ZNF385B: variants seen among roughly 807,000 people sequenced by gnomAD.
ZNF385B encodes the protein zinc finger protein 385B, also known as zinc finger protein 533.
ZNF385B carries 23 observed loss-of-function variants against 39.2 expected under a neutral mutation model. That is an observed-to-expected ratio of 0.59 (90% CI 0.42 to 0.83). ZNF385B has a LOEUF of 0.83. Among genes scored for constraint, ZNF385B ranks in the 40% least tolerant of loss-of-function variants. ZNF385B has a pLI of 0.00. For synonymous variants in ZNF385B, 205 were observed against 222.6 expected, an observed-to-expected ratio of 0.92 and a Z score of 0.70; for missense variants, 552 against 598.9, an observed-to-expected ratio of 0.92 and a Z score of 0.82.
rs181289483 is a variant in ZNF385B, at chr2:179,748,747, C to A, written c.298+20756G>T. ...TTGCTTGGAGTCTTTCTTATGACTA[C>A]ACTTCCCAAATAAATACTTTTCTTT... is the stretch of plus-strand genomic sequence containing the variant. On this transcript the variant is annotated intron_variant, in intron 3 of 9. Coordinates refer to ENST00000410066, the MANE Select transcript of ZNF385B (RefSeq NM_152520.6). 3.2e-3 allele frequency among the ~76,000 whole-genome samples: 482 copies of A among 152,220 alleles called. 5 individuals carry two copies. Among genetic ancestry groups the A allele is most frequent in the African/African-American group, 0.011 (438 of 41,544 alleles).
chr2:179,760,310 T>C (rs924023113), intron 3 of ZNF385B, among the ~76,000 whole-genome samples: 2 of 151,802 alleles, frequency 1.3e-5, no homozygotes, highest in African/African-American at 4.8e-5. Flanking sequence ...ATGTTGCAGT[T>C]TTGTACCCAT....
At chr2:179,467,725 T>C (rs1017528479) in intron 6 of ZNF385B, among the ~76,000 whole-genome samples, 5 of 152,220 alleles carry the variant, frequency 3.3e-5, no homozygotes, top group African/African-American at 1.2e-4. Context: ...TTTCATATCT[T>C]GACTTTTAGA....
chr2:179,488,221 T>C (rs943854103), intron 5 of ZNF385B, among the ~76,000 whole-genome samples: 8 of 152,126 alleles, frequency 5.3e-5, no homozygotes, highest in Non-Finnish European at 1.2e-4. Context: ...TCAGCCTTAC[T>C]GCAACCTCCA....
chr2:179,831,145 G>A (rs1707961412), intron 1 of ZNF385B, among the ~76,000 whole-genome samples: 1 of 152,122 alleles, frequency 6.6e-6, no homozygotes, highest in Non-Finnish European at 1.5e-5. Context: ...AAAATGCCTG[G>A]ATTGTATGGA....
chr2:179,473,806 C>A (rs896018554), intron 6 of ZNF385B, among the ~76,000 whole-genome samples: 1 of 152,070 alleles, frequency 6.6e-6, no homozygotes, highest in Non-Finnish European at 1.5e-5. Context: ...TGTTAGTTTG[C>A]TGAGAATGAT....
intron 3 of ZNF385B, among the ~76,000 whole-genome samples, chr2:179,665,890 C>T (rs1402847935): frequency 1.3e-5 from 2 of 151,798 alleles, no homozygotes; most frequent in African/African-American, 4.8e-5. Flanking sequence ...TATTTCTATG[C>T]AAAGCCAGCT....
At chr2:179,774,597 T>C (rs1323494849) in intron 1 of ZNF385B, among the ~76,000 whole-genome samples, 1 of 152,098 alleles carries the variant, frequency 6.6e-6, no homozygotes, top group East Asian at 1.9e-4. Flanking sequence ...GACCTTGTGA[T>C]CCACCTGCCT....
intron 6 of ZNF385B, among the ~76,000 whole-genome samples, chr2:179,477,671 T>C (rs1256293178): frequency 1.3e-5 from 2 of 152,200 alleles, no homozygotes. Context: ...TTAGCCTCTA[T>C]TTCAGTGAGT....
intron 3 of ZNF385B, among the ~76,000 whole-genome samples, chr2:179,585,473 T>G (rs1011451954): frequency 1.3e-5 from 2 of 152,214 alleles, no homozygotes; most frequent in African/African-American, 4.8e-5. Context: ...CTTTAATACC[T>G]GACTCATTCT....
chr2:179,832,049 G>A (rs1325616618), intron 1 of ZNF385B, among the ~76,000 whole-genome samples: 2 of 152,334 alleles, frequency 1.3e-5, no homozygotes, highest in Non-Finnish European at 2.9e-5. Flanking sequence ...GTGGGTCTGA[G>A]GATATGTGGC....
chr2:179,653,943 A>T (rs1693463518), intron 3 of ZNF385B, among the ~76,000 whole-genome samples: 1 of 152,236 alleles, frequency 6.6e-6, no homozygotes, highest in African/African-American at 2.4e-5. Flanking sequence ...CCAGAGAAAG[A>T]CATAGAGATG....
chr2:179,522,358 T>A (rs1033266), intron 4 of ZNF385B, among the ~76,000 whole-genome samples: 114,943 of 151,768 alleles, frequency 0.76, 43,798 homozygotes, highest in East Asian at 0.91. Context: ...TGCTAGTGCA[T>A]TACTAGTTCT....
At chr2:179,538,257 T>C (rs1332948934) in intron 4 of ZNF385B, among the ~76,000 whole-genome samples, 1 of 152,136 alleles carries the variant, frequency 6.6e-6, no homozygotes, top group African/African-American at 2.4e-5. Context: ...GTTGCAAAAG[T>C]ATTCTACTTA....
At chr2:179,619,369 T>G (rs1355185014) in intron 3 of ZNF385B, among the ~76,000 whole-genome samples, 1 of 152,208 alleles carries the variant, frequency 6.6e-6, no homozygotes, top group East Asian at 1.9e-4. Flanking sequence ...TTTCACATTT[T>G]TATTACCTTC....
At chr2:179,611,052 C>T (rs11889907) in intron 3 of ZNF385B, among the ~76,000 whole-genome samples, 50,323 of 151,902 alleles carry the variant, frequency 0.33, 8,675 homozygotes, top group Middle Eastern at 0.47. Flanking sequence ...TGTCTGATTG[C>T]TCTGTCTAGG....
intron 1 of ZNF385B, among the ~76,000 whole-genome samples, chr2:179,842,536 T>C (rs1708588939): frequency 6.6e-6 from 1 of 152,184 alleles, no homozygotes; most frequent in Non-Finnish European, 1.5e-5. Context: ...GGGGAGGGCA[T>C]GGCATGAAAC....
At chr2:179,749,553 T>G (rs1418505631) in intron 3 of ZNF385B, among the ~76,000 whole-genome samples, 4 of 152,106 alleles carry the variant, frequency 2.6e-5, no homozygotes, top group African/African-American at 9.7e-5. Flanking sequence ...GTAACACTGT[T>G]AAGATGTGAA....
At chr2:179,567,779 T>C (rs1463011958) in intron 3 of ZNF385B, among the ~76,000 whole-genome samples, 4 of 152,184 alleles carry the variant, frequency 2.6e-5, no homozygotes, top group South Asian at 2.1e-4. Context: ...ATCCAGACTA[T>C]TGGCAAGTCG....
chr2:179,443,420 A>G lies in ZNF385B; in HGVS notation c.1291T>C (p.Phe431Leu), dbSNP rs755468855. ...KDMMKPLAPA[F>L]LSSPLAAAAA... ...GCCGCTGCGAGAGGTGAGGACAGGA[A>G]GGCTGGGGCCAAAGGCTTCATCATA... is the stretch of plus-strand genomic sequence containing the variant. Residue 431 changes from phenylalanine to leucine, a missense_variant, in exon 10 of 10, where the codon TTC becomes CTC. Physicochemically the swap from Phe to Leu is conservative, Grantham distance 22. Coordinates refer to ENST00000410066, the MANE Select transcript of ZNF385B (RefSeq NM_152520.6). 1.9e-6 allele frequency: 3 copies of G among 1,610,558 alleles called. No homozygotes were observed. The highest frequency in any genetic ancestry group is 2.5e-6 in the Non-Finnish European group (3 of 1,178,528).
Sources: allele counts gnomAD v4.1 joint callset (sites outside exome capture counted in the v4.1 genomes callset), GRCh38; gene constraint gnomAD v4.1.1; transcripts MANE v1.5; gene names NCBI Gene and HGNC (gene_info 2026-07-23, HGNC 2026-07-21).